The following PPFIA2 variants were observed in gnomAD, a reference collection of about 807,000 sequenced individuals.
The protein encoded by PPFIA2 is liprin-alpha-2.
Under a neutral mutation model 175.5 loss-of-function variants are expected in PPFIA2, and 46 were observed. That is an observed-to-expected ratio of 0.26 (90% CI 0.21 to 0.34). PPFIA2 has a LOEUF of 0.34. PPFIA2 is among the 10% of genes least tolerant of loss of function. The pLI is 1.00. For missense variants in PPFIA2, 1,179 were observed against 1,506.1 expected, an observed-to-expected ratio of 0.78 and a Z score of 3.60; for synonymous variants, 568 against 511.4, an observed-to-expected ratio of 1.11 and a Z score of -1.49.
chr12:81,344,300 A>G (rs2058667004), intron 19 of PPFIA2, among the ~76,000 whole-genome samples: 1 of 151,222 alleles, frequency 6.6e-6, no homozygotes, highest in Non-Finnish European at 1.5e-5. Flanking sequence ...TAATAATAAT[A>G]AAATATTTGA....
chr12:81,437,805 G>A (rs1379310088), intron 7 of PPFIA2, among the ~76,000 whole-genome samples: 1 of 152,004 alleles, frequency 6.6e-6, no homozygotes, highest in African/African-American at 2.4e-5. Flanking sequence ...CCAGGAACAA[G>A]TACACCCCAT....
chr12:81,533,582 T>C (rs985663068), intron 4 of PPFIA2, among the ~76,000 whole-genome samples: 2 of 151,516 alleles, frequency 1.3e-5, no homozygotes, highest in African/African-American at 4.8e-5. Flanking sequence ...ATGCAAAAAT[T>C]GCTCTGAATA....
chr12:81,564,337 G>T (rs1301319389), intron 4 of PPFIA2, among the ~76,000 whole-genome samples: 1 of 152,120 alleles, frequency 6.6e-6, no homozygotes, highest in Admixed American at 6.5e-5. Flanking sequence ...TACAAAGAAG[G>T]AATTGATGCT....
chr12:81,481,423 C>T (rs1168525550), intron 4 of PPFIA2, among the ~76,000 whole-genome samples: 4 of 152,034 alleles, frequency 2.6e-5, no homozygotes, highest in East Asian at 1.9e-4. Flanking sequence ...ATAAAGAGCC[C>T]GCATAGCCAA....
At position 81,521,781 on chromosome 12, in the gene PPFIA2, C is replaced by A. The variant is rs183091879; in HGVS notation, c.304-63915G>T. Among the ~76,000 whole-genome samples the A allele has an allele frequency of 2.1e-4, 32 of 150,790 alleles. No individual in the cohort carries two copies. The East Asian group carries it at 6.2e-3, about 29-fold the overall frequency. ...CTTGCAGTGAGCTGAGATCGCGCCGCTGCACTCCAGCCTGGGCGACAGAGC... is the reference window on the plus strand; with the variant it reads ...CTTGCAGTGAGCTGAGATCGCGCCGATGCACTCCAGCCTGGGCGACAGAGC... On this transcript the variant is annotated intron_variant, in intron 4 of 32. Transcript: ENST00000549396.
At chr12:81,379,610 C>A (rs2037186972) in intron 9 of PPFIA2, among the ~76,000 whole-genome samples, 1 of 152,094 alleles carries the variant, frequency 6.6e-6, no homozygotes, top group Non-Finnish European at 1.5e-5. Flanking sequence ...TGATTAAAAA[C>A]TGGAGAGATA....
chr12:81,572,592 A>G (rs1356546502), intron 4 of PPFIA2, among the ~76,000 whole-genome samples: 1 of 151,948 alleles, frequency 6.6e-6, no homozygotes, highest in Non-Finnish European at 1.5e-5. Context: ...TACTTTATCT[A>G]TTTGCCTGTG....
At chr12:81,550,126 AT>A (rs574961185) in intron 4 of PPFIA2, among the ~76,000 whole-genome samples, 28 of 152,098 alleles carry the variant, frequency 1.8e-4, no homozygotes, top group Non-Finnish European at 2.9e-4. Context: ...CTTAGAGTAA[AT>A]GACAAAAATC....
At chr12:81,595,977 G>A (rs2059202238) in intron 4 of PPFIA2, among the ~76,000 whole-genome samples, 1 of 152,076 alleles carries the variant, frequency 6.6e-6, no homozygotes, top group Non-Finnish European at 1.5e-5. Flanking sequence ...AAGTACATTT[G>A]CACCATTTCA....
At chr12:81,345,358 C>A (rs775423083) in intron 18 of PPFIA2, among the ~76,000 whole-genome samples, 1 of 151,982 alleles carries the variant, frequency 6.6e-6, no homozygotes, top group Non-Finnish European at 1.5e-5. Context: ...TTAAATATTT[C>A]TTTACTCTTC....
At chr12:81,576,697 T>C (rs1418167133) in intron 4 of PPFIA2, among the ~76,000 whole-genome samples, 2 of 151,872 alleles carry the variant, frequency 1.3e-5, no homozygotes, top group African/African-American at 4.8e-5. Context: ...ATTTTATAAG[T>C]AGCTTCTTGA....
At chr12:81,596,648 T>A (rs112200096) in intron 4 of PPFIA2, among the ~76,000 whole-genome samples, 1 of 151,948 alleles carries the variant, frequency 6.6e-6, no homozygotes, top group Admixed American at 6.6e-5. Context: ...GAGACTGAAG[T>A]AGAATACCTA....
At chr12:81,726,679 CA>C (rs1268506358) in intron 3 of PPFIA2, among the ~76,000 whole-genome samples, 1 of 151,214 alleles carries the variant, frequency 6.6e-6, no homozygotes, top group East Asian at 2.0e-4. Context: ...AGTACCAAAA[CA>C]AAACAAAACA....
At chr12:81,514,131 A>T (rs147817893) in intron 4 of PPFIA2, among the ~76,000 whole-genome samples, 74 of 152,060 alleles carry the variant, frequency 4.9e-4, no homozygotes, top group African/African-American at 1.8e-3. Context: ...TTTAATTAAA[A>T]TTTATTCATT....
At chr12:81,317,785 A>G (rs2139442402) in intron 22 of PPFIA2, among the ~76,000 whole-genome samples, 1 of 151,808 alleles carries the variant, frequency 6.6e-6, no homozygotes, top group South Asian at 2.1e-4. Context: ...TATGTTAAAA[A>G]TTCAAAGATT....
intron 4 of PPFIA2, among the ~76,000 whole-genome samples, chr12:81,580,648 C>A (rs1290993271): frequency 6.6e-6 from 1 of 151,534 alleles, no homozygotes; most frequent in Non-Finnish European, 1.5e-5. Flanking sequence ...CTTCTCTCTA[C>A]CAAATAAACA....
rs936637658 is a variant in PPFIA2 at position 81,258,496 on chromosome 12, A to G, written c.*1198T>C. The G allele has an allele frequency of 2.0e-5, 3 of 152,148 alleles. No homozygotes were observed. Among genetic ancestry groups the G allele is most frequent in the Admixed American group, 6.6e-5 (1 of 15,262 alleles). The allele number at this position is 152,148 out of a possible 1,614,324, so 9.4% of individuals were successfully genotyped here. ...TATTATTAAATAGGCTTTACTTTGAATCTCCCATATAAACAAAGAATAAAC... is the reference window on the plus strand; with the variant it reads ...TATTATTAAATAGGCTTTACTTTGAGTCTCCCATATAAACAAAGAATAAAC... On this transcript the variant is annotated 3_prime_UTR_variant, in exon 33 of 33. Transcript: ENST00000549396.
chr12:81,497,653 T>C (rs1594029365), intron 4 of PPFIA2, among the ~76,000 whole-genome samples: 1 of 150,958 alleles, frequency 6.6e-6, no homozygotes, highest in South Asian at 2.1e-4. Flanking sequence ...GATTCTCCTG[T>C]CTCAGCCTCC....
intron 8 of PPFIA2, among the ~76,000 whole-genome samples, chr12:81,393,175 T>C (rs2040467047): frequency 1.3e-5 from 2 of 152,010 alleles, no homozygotes; most frequent in Non-Finnish European, 2.9e-5. Context: ...AATAGCTAGG[T>C]CCCACATTAC....
Sources: allele counts gnomAD v4.1 joint callset (sites outside exome capture counted in the v4.1 genomes callset), GRCh38; gene constraint gnomAD v4.1.1; transcripts MANE v1.5; gene names NCBI Gene and HGNC (gene_info 2026-07-23, HGNC 2026-07-21).